Variants in SGSH observed in about 807,000 individuals in gnomAD.
The protein encoded by SGSH is heparan sulfate sulfatase.
Under a neutral mutation model 51.0 loss-of-function variants are expected in SGSH, and 48 were observed. That is an observed-to-expected ratio of 0.94 (90% confidence interval 0.75 to 1.20). The LOEUF (loss-of-function observed/expected upper bound fraction) is 1.20. Among genes scored for constraint, SGSH ranks in the 50% most tolerant of loss-of-function variants. The probability of loss-of-function intolerance (pLI) is 0.00; values close to 1 mark genes in which losing one functional copy is unlikely to be tolerated. For synonymous variants in SGSH, 321 were observed against 313.4 expected, an observed-to-expected ratio of 1.02 and a Z score of -0.26; for missense variants, 662 against 717.8, an observed-to-expected ratio of 0.92 and a Z score of 0.89.
In SGSH at chr17:80,213,730, C is replaced by A. The variant is rs2041765419; in HGVS notation, c.745+74G>T. 3.0e-6 allele frequency: 4 copies of A among 1,312,520 alleles called. No individual in the cohort carries two copies. Among genetic ancestry groups the A allele is most frequent in the Non-Finnish European group, 4.3e-6 (4 of 940,296 alleles). 81.3% of individuals were successfully genotyped at this position (1,312,520 alleles called of 1,614,324 possible). On this transcript the variant is annotated intron_variant, in intron 6 of 7. Coordinates refer to ENST00000326317, the MANE Select transcript of SGSH (RefSeq NM_000199.5). This position sits in a 1 kb window ranked among gnomAD's most constrained non-coding sequence, Gnocchi z 4.6. Reference sequence around the variant, plus strand: ...ACCCTCACCCACATTATGCCGTGACCTAAGAGGGCGCTGGCCCAGGATGGG... The same window carrying A: ...ACCCTCACCCACATTATGCCGTGACATAAGAGGGCGCTGGCCCAGGATGGG...
At chr17:80,208,667 G>A (rs754390253), downstream of SGSH, 12 of 271,392 alleles carry the variant, frequency 4.4e-5, no homozygotes, top group Non-Finnish European at 8.3e-5. Flanking sequence ...CGGAGGCCCC[G>A]GACTTCTCTG....
rs2041829726 is a variant in SGSH, at chr17:80,214,888, G to A, written c.356-123C>T. ...TCGTGGACACACAGCCCAGCCAGGAGACCCAGGCCCAGATCCTTTGGGACA... is the reference window on the plus strand; with the variant it reads ...TCGTGGACACACAGCCCAGCCAGGAAACCCAGGCCCAGATCCTTTGGGACA... On this transcript the variant is annotated intron_variant, in intron 3 of 7. Transcript: ENST00000326317. 6.0e-6 allele frequency: 8 copies of A among 1,337,154 alleles called. No individual in the cohort carries two copies. In the South Asian group the frequency reaches 9.6e-5, roughly 16 times the overall value. 82.8% of individuals were successfully genotyped at this position (1,337,154 alleles called of 1,614,324 possible). A position where few individuals can be genotyped will look rare whatever the true frequency, so the allele number is the denominator to read the frequency against.
At position 80,214,164 on chromosome 17, in the gene SGSH, C is replaced by T. The variant is rs773765512; in HGVS notation, c.663+8G>A. Reference sequence around the variant, plus strand: ...GGGCGTCCTGAAACACAGGAGGGGCCGTCCTACCAGCACGTCCAGTGGGTC... The same window carrying T: ...GGGCGTCCTGAAACACAGGAGGGGCTGTCCTACCAGCACGTCCAGTGGGTC... On this transcript the variant is annotated splice_region_variant and intron_variant, in intron 5 of 7. Transcript: ENST00000326317. 15 of 1,604,162 alleles carry T rather than the reference C, an allele frequency of 9.4e-6. No individual in the cohort carries two copies. The highest frequency in any genetic ancestry group is 3.4e-5 in the South Asian group (3 of 89,524).
At chr17:80,214,835 C>A in intron 3 of SGSH, 70 bp from the exon 4 acceptor site, 1 of 1,565,426 alleles carries the variant, frequency 6.4e-7, no homozygotes, top group Non-Finnish European at 8.7e-7. Context: ...TTCTCTGCCC[C>A]TCTCGGCCCT....
rs1322090067 is a variant in SGSH, at chr17:80,215,087, A to G, written c.301T>C (p.Phe101Leu). The change falls in exon 3 of 8, where the codon TTC (phenylalanine) becomes CTC (leucine). Residue 101 changes from phenylalanine to leucine, a missense_variant. Phe to Leu is a conservative substitution (Grantham distance 22). Transcript: ENST00000326317. ...AGCGGCAGGCTCCGCACCTTGTCGA[A>G]GGAGTTGAAGTGGTGCACGTCCTGG... The part of the protein sequence containing the change: ...LHQDVHHFNS[F>L]DKVRSLPLLL... The G allele has an allele frequency of 6.8e-6, 11 of 1,612,318 alleles. No homozygotes were observed. Among genetic ancestry groups the G allele is most frequent in the Admixed American group, 6.7e-5 (4 of 60,002 alleles).
downstream of SGSH, chr17:80,205,449 G>A (rs1035635345): frequency 4.6e-6 from 7 of 1,525,948 alleles, no homozygotes; most frequent in Non-Finnish European, 6.2e-6. Flanking sequence ...CAGGGTTCAC[G>A]GGGACAGGGG....
At chr17:80,201,890 C>T (rs370551701), downstream of SGSH, 55 of 1,596,422 alleles carry the variant, frequency 3.4e-5, no homozygotes, top group South Asian at 4.6e-4. This position sits in a 1 kb window ranked among gnomAD's most constrained non-coding sequence, Gnocchi z 5.0. Context: ...CCACTCCTCT[C>T]GTGTGCACAG....
At chr17:80,206,855 A>G (rs1177545218), downstream of SGSH, 1 of 559,624 alleles carries the variant, frequency 1.8e-6, no homozygotes. Context: ...AGCTCTGCCC[A>G]GCTCCTGCCC....
Position 80,213,939 on chromosome 17 carries a change from G to A in SGSH, c.664-54C>T, listed in dbSNP as rs1021812109. The A allele has an allele frequency of 1.0e-5, 16 of 1,526,656 alleles. 1 individual carries two copies. In the East Asian group the frequency reaches 3.0e-4, roughly 28 times the overall value. 94.6% of individuals were successfully genotyped at this position (1,526,656 alleles called of 1,614,324 possible). On this transcript the variant is annotated intron_variant, in intron 5 of 7. Transcript: ENST00000326317. The surrounding 1 kb of genome is among the most constrained non-coding windows in gnomAD (Gnocchi z 4.6). Reference sequence around the variant, plus strand: ...AGAACAGACAGACCGGGGGAGCGGTGTCCAGCCTTCTCCCCGGGGCCTCCT... The same window carrying A: ...AGAACAGACAGACCGGGGGAGCGGTATCCAGCCTTCTCCCCGGGGCCTCCT...
chr17:80,214,528 TG>T, intron 4 of SGSH, 86 bp downstream of exon 4: 2 of 1,445,382 alleles, frequency 1.4e-6, no homozygotes, highest in Non-Finnish European at 1.9e-6. Context: ...TCGAGCCACG[TG>T]GGGGCCCATG....
intron 1 of SGSH, among the ~76,000 whole-genome samples, chr17:80,217,472 C>T (rs563045113): frequency 2.6e-5 from 4 of 152,248 alleles, no homozygotes; most frequent in Admixed American, 2.0e-4. Flanking sequence ...GGCATGTATC[C>T]AGAAGACCCC....
At chr17:80,202,462 C>A (rs756039920), downstream of SGSH, 2 of 1,592,878 alleles carry the variant, frequency 1.3e-6, no homozygotes, top group South Asian at 1.1e-5. Context: ...CAGAGAGGCC[C>A]ACAGGGAAAT....
At position 80,210,880 on chromosome 17, in the gene SGSH, C is replaced by T. The variant is rs9894254; in HGVS notation, c.1081G>A (p.Val361Ile). The change falls in exon 8 of 8, where the codon GTC becomes ATC. Residue 361 changes from valine (V) to isoleucine (I), a missense_variant. Val to Ile is a conservative substitution (Grantham distance 29). Transcript: ENST00000326317. ...TCGTGGTGGCTCTGGCTGCCAAAGA[C>T]GGTGGCCCAGAGGGGCTCGGCCTCC... ...ALEAEPLWAT[V>I]FGSQSHHEVT... 82,464 of 1,612,936 alleles carry T rather than the reference C, an allele frequency of 0.051. 2,637 individuals are homozygous for T. The highest frequency in any genetic ancestry group is 0.15 in the African/African-American group (11,395 of 75,024).
chr17:80,220,317 G>C lies in SGSH; in HGVS notation c.-4C>G. The C allele has an allele frequency of 1.3e-6, 2 of 1,488,884 alleles. No individual in the cohort carries two copies. The highest frequency in any genetic ancestry group is 1.3e-5 in the South Asian group (1 of 79,408). 92.2% of individuals were successfully genotyped at this position (1,488,884 alleles called of 1,614,324 possible). ...AGGCGGGCACGGGGCAGCTCATGGC[G>C]GCGGCGGCTCGGACTCGGGATCGGG... On this transcript the variant is annotated 5_prime_UTR_variant, in exon 1 of 8. Coordinates refer to ENST00000326317, the MANE Select transcript of SGSH (RefSeq NM_000199.5).
intron 1 of SGSH, among the ~76,000 whole-genome samples, chr17:80,218,697 G>T (rs1567930872): frequency 6.6e-6 from 1 of 152,236 alleles, no homozygotes; most frequent in African/African-American, 2.4e-5. Context: ...AACCCAGAGT[G>T]TCTCGGCACT....
downstream of SGSH, chr17:80,209,192 G>T: frequency 3.7e-6 from 2 of 547,408 alleles, no homozygotes; most frequent in Non-Finnish European, 4.7e-6. Context: ...GCCTCCTGGG[G>T]CTGTTGCAGA....
chr17:80,217,739 G>T (rs1271987770), intron 1 of SGSH, among the ~76,000 whole-genome samples: 1 of 151,026 alleles, frequency 6.6e-6, no homozygotes, highest in East Asian at 1.9e-4. Flanking sequence ...ATACCAGTGG[G>T]TATGTTAGCA....
rs770446973 is a variant in SGSH at position 80,210,743 on chromosome 17, G to T, written c.1218C>A (p.Pro406=). ...FPIDQDFYVS[P]TFQDLLNRTT... ...TGCGGTTCAGGAGGTCCTGGAAGGT[G>T]GGTGAGACGTAGAAGTCCTGGTCGA... Residue 406 remains proline (P), a synonymous_variant, in exon 8 of 8, where the codon CCC becomes CCA. Transcript: ENST00000326317. 6.2e-7 allele frequency: 1 copy of T among 1,614,100 alleles called. No homozygotes were observed. Among genetic ancestry groups the T allele is most frequent in the South Asian group, 1.1e-5 (1 of 91,088 alleles).
the SGSH span, chr17:80,201,310 C>T: frequency 4.1e-4 from 69 of 169,078 alleles, no homozygotes; most frequent in Non-Finnish European, 7.2e-4. This position sits in a 1 kb window ranked among gnomAD's most constrained non-coding sequence, Gnocchi z 5.0. Flanking sequence ...GCCAGGGCAT[C>T]GGGTAGGTGA....
Sources: gnomAD v4.1 joint callset for allele counts (sites outside exome capture counted in the v4.1 genomes callset) on GRCh38, gnomAD v4.1.1 for gene constraint, Gnocchi (gnomAD v3.1) non-coding constraint, MANE v1.5 for transcripts, NCBI Gene and HGNC (gene_info 2026-07-23, HGNC 2026-07-21) for gene names.